XXYLT1: variants seen among roughly 807,000 people sequenced by gnomAD.
XXYLT1 encodes UDP-xylose:alpha-xyloside alpha-1,3-xylosyltransferase.
Under a neutral mutation model 28.9 loss-of-function variants are expected in XXYLT1, and 20 were observed. The observed-to-expected ratio is 0.69, with a 90% CI of 0.49 to 1.00. The LOEUF is 1.00. Ranked by LOEUF, XXYLT1 falls within the 50% of genes least tolerant of loss-of-function variation. The pLI is 0.00. For missense variants in XXYLT1, 542 were observed against 560.1 expected (o/e 0.97, Z 0.33); for synonymous variants, 257 against 253.8 (o/e 1.01, Z -0.12).
chr3:195,098,713 C>A (rs775784751), intron 3 of XXYLT1, among the ~76,000 whole-genome samples: 1 of 152,254 alleles, frequency 6.6e-6, no homozygotes, highest in African/African-American at 2.4e-5. Flanking sequence ...CAGAGCCCGT[C>A]ATCAGAAGAA....
intron 3 of XXYLT1, among the ~76,000 whole-genome samples, chr3:195,097,432 A>G (rs1057166654): frequency 6.6e-6 from 1 of 152,256 alleles, no homozygotes; most frequent in African/African-American, 2.4e-5. Flanking sequence ...ATGCGTATCA[A>G]CACGTAGCTA....
chr3:195,085,923 G>A (rs1201280075), intron 3 of XXYLT1: 1 of 152,148 alleles, frequency 6.6e-6, no homozygotes, highest in Non-Finnish European at 1.5e-5. Context: ...GTGCTGTCAG[G>A]CCTTGCGGAG....
chr3:195,155,270 T>G (rs912793613), intron 3 of XXYLT1, among the ~76,000 whole-genome samples: 1 of 152,216 alleles, frequency 6.6e-6, no homozygotes, highest in Non-Finnish European at 1.5e-5. Flanking sequence ...ACTAGTTGCC[T>G]GTACTCTGCA....
At chr3:195,260,798 C>T (rs1402261084) in intron 1 of XXYLT1, among the ~76,000 whole-genome samples, 1 of 152,216 alleles carries the variant, frequency 6.6e-6, no homozygotes, top group African/African-American at 2.4e-5. Context: ...GGACACTACG[C>T]CCAGAGCTTC....
chr3:195,083,208 C>T (rs150675824), intron 3 of XXYLT1, among the ~76,000 whole-genome samples: 3 of 152,238 alleles, frequency 2.0e-5, no homozygotes, highest in Non-Finnish European at 4.4e-5. Flanking sequence ...TCAGTGATGT[C>T]GCTTCTGGAG....
intron 1 of XXYLT1, among the ~76,000 whole-genome samples, chr3:195,239,936 G>A (rs757430955): frequency 1.1e-4 from 16 of 152,104 alleles, no homozygotes; most frequent in African/African-American, 3.6e-4. Flanking sequence ...GTTCTTCACC[G>A]GCCTATAATC....
intron 3 of XXYLT1, among the ~76,000 whole-genome samples, chr3:195,132,737 C>T (rs373610958): frequency 1.3e-5 from 2 of 152,220 alleles, no homozygotes; most frequent in South Asian, 2.1e-4. Context: ...AGATTTGCAA[C>T]TGACACCTAC....
At chr3:195,190,132 C>CAAAAAAAAAAAAAA (rs763683271) in intron 2 of XXYLT1, among the ~76,000 whole-genome samples, 3 of 142,892 alleles carry the variant, frequency 2.1e-5, no homozygotes, top group African/African-American at 8.6e-5. Flanking sequence ...TTCAAAAATG[C>CAAAAAAAAAAAAAA]AAAAAAAAAG....
At chr3:195,269,121 C>T (rs563702056) in intron 1 of XXYLT1, among the ~76,000 whole-genome samples, 1 of 152,344 alleles carries the variant, frequency 6.6e-6, no homozygotes, top group East Asian at 1.9e-4. Context: ...GCAGCGGGAG[C>T]TGGGGACAAG....
intron 1 of XXYLT1, chr3:195,260,174 C>T (rs1489648680): frequency 1.3e-5 from 2 of 151,002 alleles, no homozygotes; most frequent in African/African-American, 2.4e-5. Flanking sequence ...CCTCGCCGGC[C>T]GGGGGTCGGG....
intron 3 of XXYLT1, among the ~76,000 whole-genome samples, chr3:195,141,148 A>T (rs1183092960): frequency 2.0e-5 from 3 of 152,218 alleles, no homozygotes; most frequent in Non-Finnish European, 4.4e-5. Context: ...TGTTGTTTAT[A>T]AGCTACCTAA....
chr3:195,184,600 A>G, intron 2 of XXYLT1: 1 of 985,240 alleles, frequency 1.0e-6, no homozygotes, highest in Non-Finnish European at 1.2e-6. Context: ...CCCCCCCAAG[A>G]AACATTTAAG....
At chr3:195,260,228 G>T (rs1228561143) in intron 1 of XXYLT1, 2 of 150,560 alleles carry the variant, frequency 1.3e-5, no homozygotes, top group South Asian at 4.1e-4. Flanking sequence ...GCCGCGCGGG[G>T]CACTGCACTC....
chr3:195,129,142 T>G lies in XXYLT1; in HGVS notation c.785+27307A>C, dbSNP rs1425991102. 3.3e-5 allele frequency among the ~76,000 whole-genome samples: 5 copies of G among 152,188 alleles called. No individual in the cohort carries two copies. The highest frequency in any genetic ancestry group is 5.9e-5 in the Non-Finnish European group (4 of 68,040). On this transcript the variant is annotated intron_variant, in intron 3 of 3. Transcript: ENST00000310380. This position sits in a 1 kb window ranked among gnomAD's most constrained non-coding sequence, Gnocchi z 4.4. ...TGTGGGGGGAAGGTCGCGGCTAACA[T>G]AGAGAGGGACAGCAGAGTTTAGCGT...
chr3:195,262,673 C>T (rs1187253278), intron 1 of XXYLT1, among the ~76,000 whole-genome samples: 1 of 152,114 alleles, frequency 6.6e-6, no homozygotes, highest in Non-Finnish European at 1.5e-5. Context: ...ATATCATGAC[C>T]CCAAGGCTCT....
In XXYLT1 at chr3:195,150,304, C is replaced by G. The variant is rs1418454415; in HGVS notation, c.785+6145G>C. Reference sequence around the variant, plus strand: ...GTCAAGAGACTTGCCCAAGGTCACACAGCAACTGAGTGGTAGAGGTAGTCA... The same window carrying G: ...GTCAAGAGACTTGCCCAAGGTCACAGAGCAACTGAGTGGTAGAGGTAGTCA... On this transcript the variant is annotated intron_variant, in intron 3 of 3. Transcript: ENST00000310380. This position sits in a 1 kb window ranked among gnomAD's most constrained non-coding sequence, Gnocchi z 4.7. Among the ~76,000 whole-genome samples the G allele has an allele frequency of 5.3e-5, 8 of 152,208 alleles. No homozygotes were observed. Among genetic ancestry groups the G allele is most frequent in the African/African-American group, 1.9e-4 (8 of 41,450 alleles).
At position 195,263,368 on chromosome 3, in the gene XXYLT1, C is replaced by T. The variant is rs187712151; in HGVS notation, c.504+7187G>A. Among the ~76,000 whole-genome samples the T allele has an allele frequency of 3.9e-5, 6 of 152,244 alleles. 1 individual carries two copies. The highest frequency in any genetic ancestry group is 4.1e-4 in the South Asian group (2 of 4,824). ...ATTCATGTGTTGGAAATGTGAGCCC[C>T]GGTGACGTTGCTGGGAGGTGGGGCT... On this transcript the variant is annotated intron_variant, in intron 1 of 3. Transcript: ENST00000310380.
chr3:195,250,089 C>T (rs1725191729), intron 1 of XXYLT1, among the ~76,000 whole-genome samples: 1 of 152,208 alleles, frequency 6.6e-6, no homozygotes, highest in South Asian at 2.1e-4. Flanking sequence ...CTCCTGCTAG[C>T]TCTGGCACTG....
intron 3 of XXYLT1, among the ~76,000 whole-genome samples, chr3:195,079,690 G>A (rs1267647463): frequency 6.6e-6 from 1 of 152,122 alleles, no homozygotes; most frequent in African/African-American, 2.4e-5. Context: ...CTGGGATGTG[G>A]CTGGGAGCAG....
Sources: gnomAD v4.1 joint callset for allele counts (sites outside exome capture counted in the v4.1 genomes callset) on GRCh38, gnomAD v4.1.1 for gene constraint, Gnocchi (gnomAD v3.1) non-coding constraint, MANE v1.5 for transcripts, NCBI Gene and HGNC (gene_info 2026-07-23, HGNC 2026-07-21) for gene names.